The following WWC1 variants were observed in gnomAD, a reference collection of about 807,000 sequenced individuals.
The protein encoded by WWC1 is protein KIBRA.
WWC1 carries 55 observed loss-of-function variants against 138.4 expected under a neutral mutation model. That is an observed-to-expected ratio of 0.40 (90% CI 0.32 to 0.50). The LOEUF is 0.50. WWC1 is among the 20% of genes least tolerant of loss of function. The pLI is 0.72. For synonymous variants in WWC1, 524 were observed against 564.9 expected (o/e 0.93, Z 1.03); for missense variants, 1,226 against 1,420.4 (o/e 0.86, Z 2.20).
intron 19 of WWC1, among the ~76,000 whole-genome samples, chr5:168,459,543 G>T (rs1256709637): frequency 6.6e-6 from 1 of 152,100 alleles, no homozygotes; most frequent in Non-Finnish European, 1.5e-5. Context: ...ATTGTCTGAG[G>T]ATTAAATGAA....
chr5:168,431,499 T>C, intron 15 of WWC1, 55 bp downstream of exon 15: 6 of 984,568 alleles, frequency 6.1e-6, no homozygotes, highest in Non-Finnish European at 8.6e-6. Context: ...GCTGGCTGGC[T>C]GGCTGACCGG....
chr5:168,394,962 T>G (rs1044360320), intron 3 of WWC1, among the ~76,000 whole-genome samples: 1 of 152,200 alleles, frequency 6.6e-6, no homozygotes, highest in African/African-American at 2.4e-5. Flanking sequence ...GTCAGCGGCT[T>G]TAGGTAAAAA....
At chr5:168,423,162 A>AAAAAAAAAAAAAAAAAAAAC (rs1561743499) in intron 10 of WWC1, among the ~76,000 whole-genome samples, 1 of 108,694 alleles carries the variant, frequency 9.2e-6, no homozygotes. Context: ...AAAAAAAAAA[A>AAAAAAAAAAAAAAAAAAAAC]AAAAAAAAAA....
chr5:168,292,196 C>A lies in WWC1; in HGVS notation c.44C>A (p.Ala15Glu). The A allele has an allele frequency of 6.4e-7, 1 of 1,555,450 alleles. No individual in the cohort carries two copies. The highest frequency in any genetic ancestry group is 8.7e-7 in the Non-Finnish European group (1 of 1,149,932). The change falls in exon 1 of 23, where the codon GCG (alanine) becomes GAG (glutamate). Residue 15 changes from alanine (A) to glutamate (E), a missense_variant. By Grantham distance (107) the Ala-to-Glu change is moderately radical. Transcript: ENST00000265293. This position sits in a 1 kb window ranked among gnomAD's most constrained non-coding sequence, Gnocchi z 4.4. ...ELPLPEGWEEARDFDGKVYYI... is the reference protein window; with the variant it reads ...ELPLPEGWEEERDFDGKVYYI... ...CCCCTGCCGGAGGGCTGGGAGGAGG[C>A]GCGCGACTTCGACGGCAAGGTCTAC...
intron 1 of WWC1, among the ~76,000 whole-genome samples, chr5:168,307,366 G>C (rs142505912): frequency 6.6e-6 from 1 of 152,148 alleles, no homozygotes; most frequent in Non-Finnish European, 1.5e-5. Context: ...AGACTAGAGC[G>C]TCTTTCACTG....
chr5:168,364,031 A>G (rs1776097264), intron 1 of WWC1, among the ~76,000 whole-genome samples: 1 of 152,132 alleles, frequency 6.6e-6, no homozygotes, highest in African/African-American at 2.4e-5. Flanking sequence ...TTATGTTTGC[A>G]ACCCACATTT....
intron 3 of WWC1, among the ~76,000 whole-genome samples, chr5:168,386,314 G>A (rs1242590552): frequency 6.6e-6 from 1 of 151,488 alleles, no homozygotes; most frequent in African/African-American, 2.4e-5. Context: ...TGGTCAGAGT[G>A]GGGCTCCTAT....
intron 8 of WWC1, among the ~76,000 whole-genome samples, chr5:168,413,637 A>C (rs1416116350): frequency 6.6e-6 from 1 of 152,198 alleles, no homozygotes; most frequent in Non-Finnish European, 1.5e-5. Flanking sequence ...TCCATCATGA[A>C]GGCCAGAGCG....
Position 168,469,250 on chromosome 5 carries a change from A to G in WWC1, c.*233A>G, listed in dbSNP as rs1186383478. 3 of 554,404 alleles carry G rather than the reference A, an allele frequency of 5.4e-6. No homozygotes were observed. Among genetic ancestry groups the G allele is most frequent in the Non-Finnish European group, 9.7e-6 (3 of 310,216 alleles). 34.3% of individuals were successfully genotyped at this position (554,404 alleles called of 1,614,324 possible). A position where few individuals can be genotyped will look rare whatever the true frequency, so the allele number is the denominator to read the frequency against. ...AGAAACAAAAAAAACCAGCATTAAA[A>G]TAATAAGATTGTATAGTTTGTATAT... On this transcript the variant is annotated 3_prime_UTR_variant, in exon 23 of 23. Coordinates refer to ENST00000265293, the MANE Select transcript of WWC1 (RefSeq NM_015238.3).
At chr5:168,406,032 C>G (rs975877769) in intron 5 of WWC1, among the ~76,000 whole-genome samples, 166 bp from the exon 6 acceptor site, 1 of 152,066 alleles carries the variant, frequency 6.6e-6, no homozygotes, top group Non-Finnish European at 1.5e-5. Flanking sequence ...CAGCCCGGGA[C>G]CTTCTATGCC....
chr5:168,356,080 T>G (rs560273571), intron 1 of WWC1, among the ~76,000 whole-genome samples: 1 of 152,294 alleles, frequency 6.6e-6, no homozygotes, highest in South Asian at 2.1e-4. Context: ...GGGGATCGGT[T>G]CTCCCATCTA....
In WWC1 at chr5:168,469,355, AT is replaced by A. The variant is rs1460033930; in HGVS notation, c.*346del. The A allele has an allele frequency of 1.0e-4, 28 of 279,592 alleles. No homozygotes were observed. Among genetic ancestry groups the A allele is most frequent in the South Asian group, 1.7e-4 (3 of 17,550 alleles). 17.3% of individuals were successfully genotyped at this position (279,592 alleles called of 1,614,324 possible). On this transcript the variant is annotated 3_prime_UTR_variant, in exon 23 of 23. Transcript: ENST00000265293. Reference sequence around the variant, plus strand: ...TGCTGCTCTTCTTAAAATCGTTTAGATTTTTTTTGGTTTGTACAGCTCCACC... The same window carrying A: ...TGCTGCTCTTCTTAAAATCGTTTAGATTTTTTTGGTTTGTACAGCTCCACC...
intron 1 of WWC1, among the ~76,000 whole-genome samples, chr5:168,337,046 A>C (rs1206516824): frequency 2.0e-5 from 3 of 152,184 alleles, no homozygotes; most frequent in African/African-American, 7.2e-5. Flanking sequence ...TGAGCTAAAC[A>C]ACCTTCACCT....
chr5:168,412,941 C>G (rs1328372165), intron 8 of WWC1, among the ~76,000 whole-genome samples: 1 of 152,140 alleles, frequency 6.6e-6, no homozygotes, highest in Non-Finnish European at 1.5e-5. Flanking sequence ...CAATCCCCTG[C>G]AGATACCAAG....
At chr5:168,367,952 AACACAC>A (rs5873108) in intron 1 of WWC1, among the ~76,000 whole-genome samples, 3 of 151,180 alleles carry the variant, frequency 2.0e-5, no homozygotes. Flanking sequence ...TTTCTTTACT[AACACAC>A]ACACACACAC....
intron 1 of WWC1, among the ~76,000 whole-genome samples, chr5:168,370,857 A>C (rs1290741993): frequency 1.3e-5 from 2 of 152,236 alleles, no homozygotes; most frequent in African/African-American, 2.4e-5. Flanking sequence ...TTGTGGGTGC[A>C]AGCATTTGGG....
intron 19 of WWC1, among the ~76,000 whole-genome samples, chr5:168,460,040 T>C (rs1642112644): frequency 6.6e-6 from 1 of 152,158 alleles, no homozygotes; most frequent in Admixed American, 6.5e-5. Context: ...GATAACTCAG[T>C]GATCGAGCGG....
rs1043367929 is a variant in WWC1 at position 168,292,842 on chromosome 5, C to T, written c.119+571C>T. The stretch of plus-strand genomic sequence containing the variant: ...CTGCTGAGAACAGCACAGGGGCAGC[C>T]AGGGGGCCCTGGAACCCGAGGGTGG... On this transcript the variant is annotated intron_variant, in intron 1 of 22. Transcript: ENST00000265293. This position sits in a 1 kb window ranked among gnomAD's most constrained non-coding sequence, Gnocchi z 4.4. Among the ~76,000 whole-genome samples the T allele has an allele frequency of 8.6e-5, 13 of 151,966 alleles. No individual in the cohort carries two copies. The highest frequency in any genetic ancestry group is 2.9e-4 in the African/African-American group (12 of 41,358).
intron 1 of WWC1, among the ~76,000 whole-genome samples, chr5:168,334,269 G>T (rs1038825069): frequency 2.0e-5 from 3 of 151,742 alleles, no homozygotes; most frequent in African/African-American, 7.3e-5. Flanking sequence ...TCTCCCTAAC[G>T]TGGCTCACAG....
Sources: allele counts gnomAD v4.1 joint callset (sites outside exome capture counted in the v4.1 genomes callset), GRCh38; gene constraint gnomAD v4.1.1; non-coding constraint Gnocchi (gnomAD v3.1); transcripts MANE v1.5; gene names NCBI Gene and HGNC (gene_info 2026-07-23, HGNC 2026-07-21).